Variants in G2E3 observed in about 807,000 individuals in gnomAD.
G2E3 encodes G2/M-phase specific E3 ubiquitin protein ligase.
In G2E3, 35 loss-of-function variants were observed where a neutral mutation model predicts 92.8. The observed-to-expected ratio is 0.38, with a 90% CI of 0.29 to 0.50. G2E3 has a LOEUF of 0.50. Ranked by LOEUF, G2E3 falls within the 20% of genes least tolerant of loss-of-function variation. The probability of loss-of-function intolerance (pLI) is 0.94; values close to 1 mark genes in which losing one functional copy is unlikely to be tolerated. For synonymous variants in G2E3, 242 were observed against 272.4 expected (o/e 0.89, Z 1.10); for missense variants, 554 against 823.8 (o/e 0.67, Z 4.01).
intron 10 of G2E3, among the ~76,000 whole-genome samples, chr14:30,605,018 T>G (rs1204564543): frequency 6.6e-6 from 1 of 152,116 alleles, no homozygotes; most frequent in Non-Finnish European, 1.5e-5. Context: ...TGCCTCAGCC[T>G]CCTGAGTAGC....
chr14:30,588,633 A>G (rs1004553638), intron 3 of G2E3, among the ~76,000 whole-genome samples: 1 of 152,200 alleles, frequency 6.6e-6, no homozygotes, highest in Admixed American at 6.5e-5. Context: ...ATAGAATGCT[A>G]GAGCGGAAAG....
intron 1 of G2E3, among the ~76,000 whole-genome samples, chr14:30,563,828 T>C (rs1267259505): frequency 1.3e-5 from 2 of 151,826 alleles, no homozygotes; most frequent in Admixed American, 6.6e-5. Context: ...CCAGTGATTC[T>C]CCTGCCTCAA....
chr14:30,588,313 G>A (rs1256942851), intron 3 of G2E3, among the ~76,000 whole-genome samples: 3 of 144,250 alleles, frequency 2.1e-5, no homozygotes, highest in Non-Finnish European at 4.4e-5. Flanking sequence ...TACTTTTTAT[G>A]CAGTAGAATT....
chr14:30,560,678 A>G (rs1879041264), intron 1 of G2E3: 1 of 629,288 alleles, frequency 1.6e-6, no homozygotes. Flanking sequence ...AATTATTTTC[A>G]TTGGATTTTT....
Position 30,616,427 on chromosome 14 carries a change from A to G in G2E3, c.2014A>G (p.Ile672Val), listed in dbSNP as rs943840719. 1.2e-6 allele frequency: 2 copies of G among 1,611,866 alleles called. No individual in the cohort carries two copies. Among genetic ancestry groups the G allele is most frequent in the Non-Finnish European group, 1.7e-6 (2 of 1,178,158 alleles). The change falls in exon 15 of 15, where the codon ATT becomes GTT. Residue 672 changes from isoleucine (I) to valine (V), a missense_variant. By Grantham distance (29) the Ile-to-Val change is conservative. Around this residue, in one of 3 missense-constraint regions of G2E3, gnomAD observed 397 missense variants for 560.3 expected, o/e 0.71. Transcript: ENST00000206595. ...VGNKCNNCLA[I>V]PITNTYKEFQ... ...AAACAAGTGTAATAACTGTTTAGCA[A>G]TTCCCATCACCAATACATATAAAGA...
intron 2 of G2E3, among the ~76,000 whole-genome samples, chr14:30,582,508 G>T (rs369165140): frequency 6.6e-6 from 1 of 152,078 alleles, no homozygotes. Context: ...CTCCATCCAG[G>T]GTTCATGGCA....
At chr14:30,597,344 CAT>C in intron 6 of G2E3, 74 bp from the exon 7 acceptor site, 8 of 783,200 alleles carry the variant, frequency 1.0e-5, no homozygotes, top group Non-Finnish European at 1.8e-5. Context: ...AAAAATAGCA[CAT>C]GTTCTGTTAC....
In G2E3 at chr14:30,589,413, A is replaced by G; in HGVS notation, c.166A>G (p.Lys56Glu). ...LMSSGIWQRG[K>E]EEEGVYGFLI... ...GTCAAGTGGAATTTGGCAGAGAGGCAAAGAAGAAGAAGGAGTTTATGGTTT... is the reference window on the plus strand; with the variant it reads ...GTCAAGTGGAATTTGGCAGAGAGGCGAAGAAGAAGAAGGAGTTTATGGTTT... The change falls in exon 4 of 15, where the codon AAA becomes GAA. Residue 56 changes from lysine to glutamate, a missense_variant. Around this residue, in one of 3 missense-constraint regions of G2E3, gnomAD observed 137 missense variants for 201.3 expected, o/e 0.68. Transcript: ENST00000206595. 6.2e-7 allele frequency: 1 copy of G among 1,604,394 alleles called. No individual in the cohort carries two copies. Among genetic ancestry groups the G allele is most frequent in the Non-Finnish European group, 8.5e-7 (1 of 1,171,762 alleles).
At position 30,598,659 on chromosome 14, in the gene G2E3, G is replaced by A. The variant is rs372925564; in HGVS notation, c.752+60G>A. The A allele has an allele frequency of 3.0e-5, 32 of 1,070,560 alleles. No homozygotes were observed. The South Asian group carries it at 3.1e-4, about 10-fold the overall frequency. 66.3% of individuals were successfully genotyped at this position (1,070,560 alleles called of 1,614,324 possible). A position where few individuals can be genotyped will look rare whatever the true frequency, so the allele number is the denominator to read the frequency against. On this transcript the variant is annotated intron_variant, in intron 8 of 14. Coordinates refer to ENST00000206595, the MANE Select transcript of G2E3 (RefSeq NM_017769.5). ...CTTGTTTAAACCTTCTGCTGAGAAA[G>A]TAGATTTTATAGTTAGTGAAACGTA...
intron 1 of G2E3, among the ~76,000 whole-genome samples, chr14:30,579,252 T>C (rs1011777204): frequency 6.6e-6 from 1 of 152,206 alleles, no homozygotes; most frequent in African/African-American, 2.4e-5. Flanking sequence ...AATAGTACTC[T>C]AGACCTACTT....
At chr14:30,592,072 T>TAA (rs1370095629) in intron 4 of G2E3, among the ~76,000 whole-genome samples, 1 of 152,188 alleles carries the variant, frequency 6.6e-6, no homozygotes, top group African/African-American at 2.4e-5. Flanking sequence ...GGGGCTTCTC[T>TAA]GTCTTATCCA....
At chr14:30,568,903 G>T (rs545365933) in intron 1 of G2E3, among the ~76,000 whole-genome samples, 4 of 151,354 alleles carry the variant, frequency 2.6e-5, no homozygotes, top group Non-Finnish European at 4.4e-5. Flanking sequence ...TTATTTCCTC[G>T]TATGGCTTTG....
chr14:30,586,796 C>G lies in G2E3; in HGVS notation c.116C>G (p.Thr39Ser), dbSNP rs1194420531. The G allele has an allele frequency of 2.4e-6, 3 of 1,244,658 alleles. No homozygotes were observed. Among genetic ancestry groups the G allele is most frequent in the East Asian group, 2.5e-5 (1 of 40,284 alleles). 77.1% of individuals were successfully genotyped at this position (1,244,658 alleles called of 1,614,324 possible). A position where few individuals can be genotyped will look rare whatever the true frequency, so the allele number is the denominator to read the frequency against. ...EKKTKEKWNL[T>S]VHYYCLLMSS... ...AAAACTAAGGAGAAATGGAATCTCA[C>G]TGTACATTACTACTGTTTGGTGAGT... The change falls in exon 3 of 15, where the codon ACT (threonine) becomes AGT (serine). Residue 39 changes from threonine to serine, a missense_variant. This residue lies in a region of G2E3 where 137 missense variants were observed against 201.3 expected (regional missense o/e 0.68). Coordinates refer to ENST00000206595, the MANE Select transcript of G2E3 (RefSeq NM_017769.5).
At chr14:30,609,881 T>C (rs229233) in intron 12 of G2E3, among the ~76,000 whole-genome samples, 14,127 of 152,190 alleles carry the variant, frequency 0.093, 2,175 homozygotes, top group African/African-American at 0.32. Flanking sequence ...ACTGACTTAT[T>C]GTCAACCTTT....
intron 3 of G2E3, among the ~76,000 whole-genome samples, chr14:30,589,093 C>T (rs1393395655): frequency 6.6e-6 from 1 of 152,040 alleles, no homozygotes; most frequent in African/African-American, 2.4e-5. Context: ...CACCTAACCA[C>T]TCACTGCCTT....
In G2E3 at chr14:30,610,710, G is replaced by A. The variant is rs533371127; in HGVS notation, c.1501-1497G>A. Among the ~76,000 whole-genome samples the A allele has an allele frequency of 1.8e-4, 27 of 152,294 alleles. 1 individual carries two copies. Among genetic ancestry groups the A allele is most frequent in the South Asian group, 1.0e-3 (5 of 4,824 alleles). Reference sequence around the variant, plus strand: ...AAGTTAGGTTTTAGGCTAAACTTCTGTATCTCATAGACCCAGAAAGACAGT... The same window carrying A: ...AAGTTAGGTTTTAGGCTAAACTTCTATATCTCATAGACCCAGAAAGACAGT... On this transcript the variant is annotated intron_variant, in intron 12 of 14. Transcript: ENST00000206595.
chr14:30,586,302 G>C (rs1880711083), intron 2 of G2E3, among the ~76,000 whole-genome samples: 2 of 152,174 alleles, frequency 1.3e-5, no homozygotes, highest in Admixed American at 6.5e-5. Context: ...GGGAATGGTA[G>C]GTGGGTAAGT....
intron 12 of G2E3, chr14:30,611,378 A>G (rs1334348422): frequency 2.0e-5 from 3 of 152,238 alleles, no homozygotes; most frequent in Non-Finnish European, 4.4e-5. Flanking sequence ...AAAAGAAGTC[A>G]TGTAAATCTC....
chr14:30,598,304 T>C (rs1429314559), intron 7 of G2E3, 179 bp from the exon 8 acceptor site: 5 of 470,154 alleles, frequency 1.1e-5, no homozygotes, highest in Non-Finnish European at 1.6e-5. Flanking sequence ...GGAGAATCGC[T>C]TGAACCCGGC....
Sources: gnomAD v4.1 joint callset for allele counts (sites outside exome capture counted in the v4.1 genomes callset) on GRCh38, gnomAD v4.1.1 for gene constraint, gnomAD v4.1.1 regional missense constraint, MANE v1.5 for transcripts, NCBI Gene and HGNC (gene_info 2026-07-23, HGNC 2026-07-21) for gene names.